APC2: variants seen among roughly 807,000 people sequenced by gnomAD.
The protein encoded by APC2 is APC regulator of Wnt signaling pathway 2.
Under a neutral mutation model 72.5 loss-of-function variants are expected in APC2, and 41 were observed. That is an observed-to-expected ratio of 0.57 (90% confidence interval 0.44 to 0.73). The LOEUF is 0.73. Ranked by LOEUF, APC2 falls within the 30% of genes least tolerant of loss-of-function variation. The pLI, the probability that APC2 is intolerant of heterozygous loss-of-function variation, is 0.00. For synonymous variants in APC2, 1,898 were observed against 1,612.0 expected (o/e 1.18, Z -4.25); for missense variants, 3,729 against 3,403.4 (o/e 1.10, Z -2.38).
At chr19:1,447,135 C>T (rs942802466), upstream of APC2, among the ~76,000 whole-genome samples, 1 of 152,188 alleles carries the variant, frequency 6.6e-6, no homozygotes, top group African/African-American at 2.4e-5. Context: ...CCCCACCCTC[C>T]CCCACCTCCG....
Position 1,469,400 on chromosome 19 carries a change from GC to G in APC2, c.6102del (p.Ala2035ProfsTer300). ...ASPRRGRPALPAVFLCSSRCE... is the reference protein window; with the variant it reads ...ASPRRGRPALXAVFLCSSRCE... ...CGCCCCGCCGCGGCCGGCCCGCGCT[GC>G]CCGCCGTCTTCCTCTGCTCCTCGCG... On this transcript the variant is annotated frameshift_variant, in exon 15 of 15. Transcript: ENST00000590469. LOFTEE classifies it low-confidence loss of function (END_TRUNC). 8.3e-7 allele frequency: 1 copy of G among 1,210,352 alleles called. No individual in the cohort carries two copies. The highest frequency in any genetic ancestry group is 1.0e-6 in the Non-Finnish European group (1 of 974,600). The allele number at this position is 1,210,352 out of a possible 1,614,324, so 75.0% of individuals were successfully genotyped here. A position where few individuals can be genotyped will look rare whatever the true frequency, so the allele number is the denominator to read the frequency against.
Position 1,465,983 on chromosome 19 carries a change from A to G in APC2, c.2682A>G (p.Pro894=), listed in dbSNP as rs1024968787. ...AGGGCCGCGCCCAGTCCTGCTCGCC[A>G]TGCCGCGGCCCGGAGGGCGGGCGGC... The part of the protein sequence containing the change: ...PREGRAQSCS[P]CRGPEGGRRE... The change falls in exon 15 of 15, where the codon CCA becomes CCG. Residue 894 remains proline, a synonymous_variant. Transcript: ENST00000590469. The G allele has an allele frequency of 4.6e-6, 7 of 1,529,640 alleles. No individual in the cohort carries two copies. The highest frequency in any genetic ancestry group is 6.1e-6 in the Non-Finnish European group (7 of 1,147,432). 94.8% of individuals were successfully genotyped at this position (1,529,640 alleles called of 1,614,324 possible).
chr19:1,467,348 C>A lies in APC2; in HGVS notation c.4047C>A (p.Ala1349=). The A allele has an allele frequency of 6.9e-7, 1 of 1,454,140 alleles. No homozygotes were observed. The highest frequency in any genetic ancestry group is 2.4e-5 in the Admixed American group (1 of 40,940). 90.1% of individuals were successfully genotyped at this position (1,454,140 alleles called of 1,614,324 possible). ...ELELLRECLG[A]AVPARLRKVA... is the part of the protein sequence containing the mutation. ...AACTGCTGCGGGAGTGCCTGGGAGC[C>A]GCCGTGCCTGCCCGGCTGCGCAAGG... The change falls in exon 15 of 15, where the codon GCC becomes GCA. Residue 1349 remains alanine, a synonymous_variant. Transcript: ENST00000590469.
chr19:1,467,985 G>T lies in APC2; in HGVS notation c.4684G>T (p.Ala1562Ser), dbSNP rs748505123. The T allele has an allele frequency of 6.3e-7, 1 of 1,580,224 alleles. No individual in the cohort carries two copies. Among genetic ancestry groups the T allele is most frequent in the Non-Finnish European group, 8.5e-7 (1 of 1,172,496 alleles). The change falls in exon 15 of 15, where the codon GCC (alanine) becomes TCC (serine). Residue 1562 changes from alanine to serine, a missense_variant. Physicochemically the swap from Ala to Ser is moderately conservative, Grantham distance 99. Coordinates refer to ENST00000590469, the MANE Select transcript of APC2 (RefSeq NM_005883.3). Reference sequence around the variant, plus strand: ...GGCTGCACCAGCTGCCCCGCCGCCCGCCCGGACCCAGCCCAGCCTCATTGC... The same window carrying T: ...GGCTGCACCAGCTGCCCCGCCGCCCTCCCGGACCCAGCCCAGCCTCATTGC... The part of the protein sequence containing the change: ...SKAAPAAPPP[A>S]RTQPSLIADE...
rs928342590 is a variant in APC2, at chr19:1,452,013, CA to C, written c.-18-970del. 4 of 154,108 alleles carry C rather than the reference CA, an allele frequency of 2.6e-5. No individual in the cohort carries two copies. The highest frequency in any genetic ancestry group is 9.7e-5 in the African/African-American group (4 of 41,046). 9.5% of individuals were successfully genotyped at this position (154,108 alleles called of 1,614,324 possible). ...GGTGTGAGGAAGGGGCTCAGGCTGG[CA>C]GGGGGAGGTGGCAGAGGGATGGGCT... On this transcript the variant is annotated intron_variant, in intron 1 of 14. Coordinates refer to ENST00000590469, the MANE Select transcript of APC2 (RefSeq NM_005883.3). This position sits in a 1 kb window ranked among gnomAD's most constrained non-coding sequence, Gnocchi z 5.1.
chr19:1,470,042 G>A lies in APC2; in HGVS notation c.6741G>A (p.Glu2247=), dbSNP rs2084107828. The A allele has an allele frequency of 1.3e-6, 2 of 1,572,398 alleles. No individual in the cohort carries two copies. The highest frequency in any genetic ancestry group is 1.7e-6 in the Non-Finnish European group (2 of 1,164,480). Reference sequence around the variant, plus strand: ...CCATCTCCGCACCCTTCGTGCACGAGGGCCTGGGGGTCGCCGTGGGGGGCT... The same window carrying A: ...CCATCTCCGCACCCTTCGTGCACGAAGGCCTGGGGGTCGCCGTGGGGGGCT... ...KAPISAPFVH[E]GLGVAVGGFP... Residue 2247 remains glutamate (E), a synonymous_variant, in exon 15 of 15, where the codon GAG becomes GAA. Coordinates refer to ENST00000590469, the MANE Select transcript of APC2 (RefSeq NM_005883.3).
chr19:1,457,885 G>A lies in APC2; in HGVS notation c.1208-80G>A, dbSNP rs576210142. Reference sequence around the variant, plus strand: ...TCCCGGGATCCTTCAGGCCTGGGGCGGGCGGGTTGCGGGACCTTCGGGAGT... The same window carrying A: ...TCCCGGGATCCTTCAGGCCTGGGGCAGGCGGGTTGCGGGACCTTCGGGAGT... On this transcript the variant is annotated intron_variant, in intron 9 of 14. Transcript: ENST00000590469. 4.0e-5 allele frequency: 49 copies of A among 1,210,112 alleles called. 1 individual carries two copies. The highest frequency in any genetic ancestry group is 9.0e-5 in the African/African-American group (5 of 55,822). The allele number at this position is 1,210,112 out of a possible 1,614,324, so 75.0% of individuals were successfully genotyped here. A position where few individuals can be genotyped will look rare whatever the true frequency, so the allele number is the denominator to read the frequency against.
Position 1,450,183 on chromosome 19 carries a change from G to C in APC2, c.-174G>C. ...CCTGCCCAGGCCCGGACCGGGCTTT[G>C]TCCGCCCCGGAGCCCCTGCCCGCGC... On this transcript the variant is annotated 5_prime_UTR_variant, in exon 1 of 15. Coordinates refer to ENST00000590469, the MANE Select transcript of APC2 (RefSeq NM_005883.3). 2.0e-6 allele frequency: 2 copies of C among 985,274 alleles called. No individual in the cohort carries two copies. The highest frequency in any genetic ancestry group is 9.4e-5 in the South Asian group (2 of 21,294). The allele number at this position is 985,274 out of a possible 1,614,324, so 61.0% of individuals were successfully genotyped here.
chr19:1,464,632 CTTTTTTT>C (rs1010096440), intron 14 of APC2, among the ~76,000 whole-genome samples: 20 of 123,716 alleles, frequency 1.6e-4, no homozygotes, highest in Non-Finnish European at 2.6e-4. Context: ...CTGTTTTTTC[CTTTTTTT>C]TTTTTTTTTT....
chr19:1,467,541 C>G lies in APC2; in HGVS notation c.4240C>G (p.Pro1414Ala). The part of the protein sequence containing the change: ...ASLSDETLQG[P>A]PRDQPGGPAG... ...GCTCAGCGACGAGACGCTGCAGGGA[C>G]CCCCCAGGGACCAGCCCGGGGGACC... The change falls in exon 15 of 15, where the codon CCC becomes GCC. Residue 1414 changes from proline (P) to alanine (A), a missense_variant. Pro to Ala is a conservative substitution (Grantham distance 27). Transcript: ENST00000590469. 1 of 1,490,020 alleles carries G rather than the reference C, an allele frequency of 6.7e-7. No individual in the cohort carries two copies. Among genetic ancestry groups the G allele is most frequent in the Non-Finnish European group, 8.9e-7 (1 of 1,125,426 alleles). The allele number at this position is 1,490,020 out of a possible 1,614,324, so 92.3% of individuals were successfully genotyped here.
In APC2 at chr19:1,469,840, G is replaced by A; in HGVS notation, c.6539G>A (p.Gly2180Glu). The A allele has an allele frequency of 6.6e-7, 1 of 1,518,542 alleles. No individual in the cohort carries two copies. The highest frequency in any genetic ancestry group is 8.8e-7 in the Non-Finnish European group (1 of 1,140,338). 94.1% of individuals were successfully genotyped at this position (1,518,542 alleles called of 1,614,324 possible). A position where few individuals can be genotyped will look rare whatever the true frequency, so the allele number is the denominator to read the frequency against. The change falls in exon 15 of 15, where the codon GGG (glycine) becomes GAG (glutamate). Residue 2180 changes from glycine to glutamate, a missense_variant. By Grantham distance (98) the Gly-to-Glu change is moderately conservative. Transcript: ENST00000590469. The stretch of plus-strand genomic sequence containing the variant: ...TCCACGCCCGAGGACGCCCCGGCCG[G>A]GCCCCCGCCGCGCAAGACCAGCGAC... ...RGSTPEDAPA[G>E]PPPRKTSDAV...
rs913175679 is a variant in APC2 at position 1,469,884 on chromosome 19, G to A, written c.6583G>A (p.Glu2195Lys). The A allele has an allele frequency of 5.2e-6, 8 of 1,523,846 alleles. No individual in the cohort carries two copies. Among genetic ancestry groups the A allele is most frequent in the African/African-American group, 4.2e-5 (3 of 71,126 alleles). 94.4% of individuals were successfully genotyped at this position (1,523,846 alleles called of 1,614,324 possible). A position where few individuals can be genotyped will look rare whatever the true frequency, so the allele number is the denominator to read the frequency against. The change falls in exon 15 of 15, where the codon GAG (glutamate) becomes AAG (lysine). Residue 2195 changes from glutamate (E) to lysine (K), a missense_variant. By Grantham distance (56) the Glu-to-Lys change is moderately conservative. Coordinates refer to ENST00000590469, the MANE Select transcript of APC2 (RefSeq NM_005883.3). ...CAGCGACGCCGTGGTCCAGACCGAG[G>A]AGGTCGCCGCCCCCAAGACCAACTC... ...KTSDAVVQTE[E>K]VAAPKTNSST...
rs534192049 is a variant in APC2 at position 1,465,558 on chromosome 19, G to A, written c.2257G>A (p.Ala753Thr). 3.9e-5 allele frequency: 60 copies of A among 1,544,406 alleles called. No individual in the cohort carries two copies. In the South Asian group the frequency reaches 5.0e-4, roughly 13 times the overall value. The change falls in exon 15 of 15, where the codon GCC becomes ACC. Residue 753 changes from alanine to threonine, a missense_variant. Coordinates refer to ENST00000590469, the MANE Select transcript of APC2 (RefSeq NM_005883.3). ...GCAGGGCCCGCCGGCAGCCGAGGCC[G>A]CCACTAAGAAGCCGCTGCCGCCCCT... Reference protein sequence around the residue: ...EKQGPPAAEAATKKPLPPLRH... With the variant: ...EKQGPPAAEATTKKPLPPLRH...
intron 13 of APC2, 105 bp from the exon 14 acceptor site, chr19:1,461,858 A>C (rs1163910846): frequency 6.0e-6 from 6 of 1,007,458 alleles, no homozygotes; most frequent in Non-Finnish European, 8.5e-6. Context: ...TCTCAAAAAA[A>C]AAAAACAAAA....
Position 1,465,800 on chromosome 19 carries a change from C to A in APC2, c.2499C>A (p.Thr833=), listed in dbSNP as rs1432502641. 1 of 1,582,380 alleles carries A rather than the reference C, an allele frequency of 6.3e-7. No individual in the cohort carries two copies. The highest frequency in any genetic ancestry group is 1.1e-5 in the South Asian group (1 of 87,300). The change falls in exon 15 of 15, where the codon ACC becomes ACA. Residue 833 remains threonine, a synonymous_variant. Transcript: ENST00000590469. ...GCGGCAAGGAGGCAGAGAAGGACAC[C>A]AGTGGGGAGGCAGCCGTGGCGGCCA... ...RRGGKEAEKD[T]SGEAAVAAKA...
chr19:1,469,168 G>A lies in APC2; in HGVS notation c.5867G>A (p.Arg1956Gln), dbSNP rs1419287199. The change falls in exon 15 of 15, where the codon CGG (arginine) becomes CAG (glutamine). Residue 1956 changes from arginine to glutamine, a missense_variant. Coordinates refer to ENST00000590469, the MANE Select transcript of APC2 (RefSeq NM_005883.3). ...GTCCCGGAGCCGGGCCCCAGGGGCC[G>A]GGCGGGGACCGAGGCGGGCCCGGGG... ...RAVPEPGPRG[R>Q]AGTEAGPGAR... 10 of 1,275,492 alleles carry A rather than the reference G, an allele frequency of 7.8e-6. No homozygotes were observed. The highest frequency in any genetic ancestry group is 4.2e-5 in the Admixed American group (1 of 23,544). 79.0% of individuals were successfully genotyped at this position (1,275,492 alleles called of 1,614,324 possible).
chr19:1,469,834 C>T lies in APC2; in HGVS notation c.6533C>T (p.Pro2178Leu), dbSNP rs554372222. 4 of 1,520,656 alleles carry T rather than the reference C, an allele frequency of 2.6e-6. No individual in the cohort carries two copies. The highest frequency in any genetic ancestry group is 1.4e-5 in the African/African-American group (1 of 70,422). The allele number at this position is 1,520,656 out of a possible 1,614,324, so 94.2% of individuals were successfully genotyped here. A position where few individuals can be genotyped will look rare whatever the true frequency, so the allele number is the denominator to read the frequency against. ...CGGGGCTCCACGCCCGAGGACGCCCCGGCCGGGCCCCCGCCGCGCAAGACC... is the reference window on the plus strand; with the variant it reads ...CGGGGCTCCACGCCCGAGGACGCCCTGGCCGGGCCCCCGCCGCGCAAGACC... ...PLRGSTPEDA[P>L]AGPPPRKTSD... The change falls in exon 15 of 15, where the codon CCG becomes CTG. Residue 2178 changes from proline to leucine, a missense_variant. Coordinates refer to ENST00000590469, the MANE Select transcript of APC2 (RefSeq NM_005883.3).
chr19:1,452,634 G>A lies in APC2; in HGVS notation c.-18-350G>A, dbSNP rs1317279961. ...GGGTTAGGCTGTCCCAGCTGTCTGT[G>A]TGTTTGTCCGGCTGTCAGGATGTGT... On this transcript the variant is annotated intron_variant, in intron 1 of 14. Transcript: ENST00000590469. This position sits in a 1 kb window ranked among gnomAD's most constrained non-coding sequence, Gnocchi z 5.1. 3 of 234,286 alleles carry A rather than the reference G, an allele frequency of 1.3e-5. No homozygotes were observed. Among genetic ancestry groups the A allele is most frequent in the East Asian group, 2.1e-4 (2 of 9,550 alleles). The allele number at this position is 234,286 out of a possible 1,614,324, so 14.5% of individuals were successfully genotyped here. A position where few individuals can be genotyped will look rare whatever the true frequency, so the allele number is the denominator to read the frequency against.
In APC2 at chr19:1,472,209, T is replaced by TACCA. The variant is rs1214056388; in HGVS notation, c.*1996_*1997insACCA. 1 of 152,188 alleles carries TACCA rather than the reference T, an allele frequency of 6.6e-6. No individual in the cohort carries two copies. The highest frequency in any genetic ancestry group is 2.4e-5 in the African/African-American group (1 of 41,424). 9.4% of individuals were successfully genotyped at this position (152,188 alleles called of 1,614,324 possible). A position where few individuals can be genotyped will look rare whatever the true frequency, so the allele number is the denominator to read the frequency against. ...CATGGCCCGAGGGGGAACCTGGTGG[T>TACCA]CTCTTCTGAGCTTTTGGACTTGGGG... On this transcript the variant is annotated 3_prime_UTR_variant, in exon 15 of 15. Coordinates refer to ENST00000590469, the MANE Select transcript of APC2 (RefSeq NM_005883.3).
Sources: gnomAD v4.1 joint callset for allele counts (sites outside exome capture counted in the v4.1 genomes callset) on GRCh38, gnomAD v4.1.1 for gene constraint, Gnocchi (gnomAD v3.1) non-coding constraint, MANE v1.5 for transcripts, NCBI Gene and HGNC (gene_info 2026-07-23, HGNC 2026-07-21) for gene names.